The following ADCY2 variants were observed in gnomAD, a reference collection of about 807,000 sequenced individuals.
ADCY2 encodes adenylate cyclase 2, also known as adenylate cyclase type 2.
In ADCY2, 31 loss-of-function variants were observed where a neutral mutation model predicts 125.2. The observed-to-expected ratio is 0.25, with a 90% confidence interval of 0.19 to 0.33. The LOEUF (loss-of-function observed/expected upper bound fraction) is 0.33. ADCY2 is among the 10% of genes least tolerant of loss of function. The pLI is 1.00. For synonymous variants in ADCY2, 512 were observed against 548.4 expected (o/e 0.93, Z 0.93); for missense variants, 904 against 1,418.2 (o/e 0.64, Z 5.82).
At chr5:7,516,418 T>C (rs1207963675) in intron 2 of ADCY2, among the ~76,000 whole-genome samples, 1 of 152,146 alleles carries the variant, frequency 6.6e-6, no homozygotes, top group Non-Finnish European at 1.5e-5. Context: ...TGCTTAGGAA[T>C]TCCGGGCTTA....
At chr5:7,444,111 CTTTT>C (rs749823885) in intron 2 of ADCY2, among the ~76,000 whole-genome samples, 3 of 99,380 alleles carry the variant, frequency 3.0e-5, no homozygotes, top group African/African-American at 3.7e-5. Context: ...GTTTTTATCT[CTTTT>C]TTTTTTTTTT....
chr5:7,572,852 G>A (rs531586200), intron 3 of ADCY2, among the ~76,000 whole-genome samples: 2 of 152,226 alleles, frequency 1.3e-5, no homozygotes, highest in Admixed American at 6.5e-5. Flanking sequence ...ATGCATATGA[G>A]TAGCCAGTTA....
chr5:7,412,250 C>T (rs756066084), intron 1 of ADCY2, among the ~76,000 whole-genome samples: 1 of 152,036 alleles, frequency 6.6e-6, no homozygotes, highest in African/African-American at 2.4e-5. Flanking sequence ...GATCTAAGAG[C>T]CAGTAAAGTC....
intron 12 of ADCY2, 28 bp from the exon 13 acceptor site, chr5:7,724,517 A>G: frequency 1.3e-6 from 2 of 1,565,538 alleles, no homozygotes; most frequent in Non-Finnish European, 1.8e-6. Context: ...ATTCAGTTTT[A>G]TGATGTGTTG....
chr5:7,685,614 G>A (rs1411092775), intron 4 of ADCY2, among the ~76,000 whole-genome samples: 1 of 152,160 alleles, frequency 6.6e-6, no homozygotes, highest in Non-Finnish European at 1.5e-5. Context: ...ATTCTACTGA[G>A]GGACCTAAGA....
chr5:7,619,349 G>A (rs1737876924), intron 3 of ADCY2, among the ~76,000 whole-genome samples: 1 of 152,174 alleles, frequency 6.6e-6, no homozygotes, highest in South Asian at 2.1e-4. Context: ...AGAAGATCTG[G>A]TAGTGTTGCT....
intron 3 of ADCY2, among the ~76,000 whole-genome samples, chr5:7,539,397 A>G (rs1734923473): frequency 6.6e-6 from 1 of 152,250 alleles, no homozygotes; most frequent in South Asian, 2.1e-4. Context: ...AGCATCTACT[A>G]GGAAACCTGT....
intron 3 of ADCY2, among the ~76,000 whole-genome samples, chr5:7,622,605 T>C (rs1179538843): frequency 6.6e-6 from 1 of 152,220 alleles, no homozygotes; most frequent in Non-Finnish European, 1.5e-5. Flanking sequence ...AGGTTTTTCC[T>C]TACCTGCTGT....
At chr5:7,472,294 C>CT (rs1238582998) in intron 2 of ADCY2, among the ~76,000 whole-genome samples, 9 of 152,122 alleles carry the variant, frequency 5.9e-5, no homozygotes, top group African/African-American at 2.2e-4. Flanking sequence ...TCTAAACTTT[C>CT]TTGAATTCAC....
At chr5:7,814,064 CTGT>C (rs771512266) in intron 22 of ADCY2, among the ~76,000 whole-genome samples, 4 of 151,990 alleles carry the variant, frequency 2.6e-5, no homozygotes, top group Non-Finnish European at 5.9e-5. Context: ...AAAAGACTAA[CTGT>C]TGTTAAGAAA....
intron 2 of ADCY2, among the ~76,000 whole-genome samples, chr5:7,457,169 A>G (rs537319749): frequency 2.0e-5 from 3 of 152,324 alleles, no homozygotes; most frequent in African/African-American, 4.8e-5. Flanking sequence ...GAAATTTACT[A>G]TACTCATCTG....
chr5:7,439,559 C>T lies in ADCY2; in HGVS notation c.408+24789C>T, dbSNP rs529405552. ...ACACACACACACACACACACACACA[C>T]ACAAAAGTATGTGTGTACATATACA... On this transcript the variant is annotated intron_variant, in intron 2 of 24. Transcript: ENST00000338316. Among the ~76,000 whole-genome samples, 34 of 127,216 alleles carry T rather than the reference C, an allele frequency of 2.7e-4. 1 individual carries two copies. In the South Asian group the frequency reaches 8.3e-3, roughly 31 times the overall value. The allele number at this position is 127,216 out of a possible 152,430, so 83.5% of individuals were successfully genotyped here.
chr5:7,653,164 C>A (rs978308654), intron 4 of ADCY2, among the ~76,000 whole-genome samples: 1 of 152,168 alleles, frequency 6.6e-6, no homozygotes, highest in Non-Finnish European at 1.5e-5. Flanking sequence ...ATGCTAAGTA[C>A]AATTTCTAAG....
At chr5:7,551,801 T>A (rs1335015306) in intron 3 of ADCY2, among the ~76,000 whole-genome samples, 1 of 152,212 alleles carries the variant, frequency 6.6e-6, no homozygotes, top group East Asian at 1.9e-4. Context: ...TTTCTTTGAA[T>A]GCCCAGTATG....
At chr5:7,586,397 C>T (rs1218265368) in intron 3 of ADCY2, among the ~76,000 whole-genome samples, 1 of 152,178 alleles carries the variant, frequency 6.6e-6, no homozygotes, top group Non-Finnish European at 1.5e-5. Context: ...CCTGTCCTTT[C>T]TGTCAGCTTC....
At chr5:7,402,447 C>G (rs998860159) in intron 1 of ADCY2, among the ~76,000 whole-genome samples, 1 of 152,156 alleles carries the variant, frequency 6.6e-6, no homozygotes, top group Non-Finnish European at 1.5e-5. Flanking sequence ...CTTTGGTTCC[C>G]GCTTTTTGCT....
chr5:7,501,083 T>C (rs1743543827), intron 2 of ADCY2, among the ~76,000 whole-genome samples: 1 of 152,006 alleles, frequency 6.6e-6, no homozygotes, highest in Admixed American at 6.6e-5. Flanking sequence ...TTCAGCATCT[T>C]TTTTTTGTTC....
intron 3 of ADCY2, among the ~76,000 whole-genome samples, chr5:7,570,426 G>GT (rs1302529718): frequency 1.3e-5 from 2 of 152,020 alleles, no homozygotes; most frequent in Admixed American, 1.3e-4. Flanking sequence ...TTAAACTTCT[G>GT]TAAGTCTAGG....
chr5:7,461,245 T>G (rs1741907673), intron 2 of ADCY2, among the ~76,000 whole-genome samples: 1 of 152,184 alleles, frequency 6.6e-6, no homozygotes, highest in Non-Finnish European at 1.5e-5. Flanking sequence ...ATTACATCTA[T>G]CAGGAAGGGA....
Sources: allele counts gnomAD v4.1 joint callset (sites outside exome capture counted in the v4.1 genomes callset), GRCh38; gene constraint gnomAD v4.1.1; transcripts MANE v1.5; gene names NCBI Gene and HGNC (gene_info 2026-07-23, HGNC 2026-07-21).